The following MTMR9 variants were observed in gnomAD, a reference collection of about 807,000 sequenced individuals.
MTMR9 encodes the protein myotubularin-related protein 9.
Under a neutral mutation model 69.5 loss-of-function variants are expected in MTMR9, and 39 were observed. That is an observed-to-expected ratio of 0.56 (90% CI 0.43 to 0.73). MTMR9 has a LOEUF of 0.73. Ranked by LOEUF, MTMR9 falls within the 30% of genes least tolerant of loss-of-function variation. MTMR9 has a pLI of 0.00. For synonymous variants in MTMR9, 354 were observed against 240.8 expected, an observed-to-expected ratio of 1.47 and a Z score of -4.35; for missense variants, 900 against 671.2, an observed-to-expected ratio of 1.34 and a Z score of -3.77.
In MTMR9 at chr8:11,314,827, C is replaced by T. The variant is rs375382648; in HGVS notation, c.972-96C>T. ...CACTAAATAAACTGAACTCAGTAGACTAAAATGTTGTGCTCAATAAACGCT... is the reference window on the plus strand; with the variant it reads ...CACTAAATAAACTGAACTCAGTAGATTAAAATGTTGTGCTCAATAAACGCT... On this transcript the variant is annotated intron_variant, in intron 6 of 9. Transcript: ENST00000221086. 70 of 1,222,456 alleles carry T rather than the reference C, an allele frequency of 5.7e-5. No individual in the cohort carries two copies. The East Asian group carries it at 1.1e-3, about 19-fold the overall frequency. 75.7% of individuals were successfully genotyped at this position (1,222,456 alleles called of 1,614,324 possible).
chr8:11,332,262 T>A, downstream of MTMR9: 2 of 1,327,838 alleles, frequency 1.5e-6, no homozygotes, highest in Non-Finnish European at 2.0e-6. Context: ...CATAGCACAT[T>A]ATAATATTGA....
chr8:11,305,383 C>T (rs1799901827), intron 4 of MTMR9, among the ~76,000 whole-genome samples: 1 of 152,170 alleles, frequency 6.6e-6, no homozygotes, highest in Non-Finnish European at 1.5e-5. Context: ...AACAACTTTA[C>T]ACGTGAAAGG....
chr8:11,316,061 C>G (rs533603868), intron 7 of MTMR9: 1 of 152,290 alleles, frequency 6.6e-6, no homozygotes, highest in East Asian at 1.9e-4. Flanking sequence ...TTACTTTGGT[C>G]AGTAGATGGC....
At chr8:11,314,423 G>T (rs554226461) in intron 6 of MTMR9, among the ~76,000 whole-genome samples, 1 of 152,124 alleles carries the variant, frequency 6.6e-6, no homozygotes, top group African/African-American at 2.4e-5. Context: ...GTGTGGTCTA[G>T]GTCTCATTTT....
chr8:11,303,030 A>G (rs1799805178), intron 3 of MTMR9, among the ~76,000 whole-genome samples: 1 of 151,822 alleles, frequency 6.6e-6, no homozygotes, highest in South Asian at 2.1e-4. Context: ...TAAAGATGTA[A>G]GTCATTCCCT....
chr8:11,297,415 G>A (rs957830164), intron 2 of MTMR9, among the ~76,000 whole-genome samples: 2 of 152,206 alleles, frequency 1.3e-5, no homozygotes, highest in African/African-American at 4.8e-5. Flanking sequence ...TAAATTGAAT[G>A]AGAATGCATG....
chr8:11,295,128 G>C (rs1799505201), intron 1 of MTMR9, 66 bp from the exon 2 acceptor site: 1 of 843,494 alleles, frequency 1.2e-6, no homozygotes, highest in Non-Finnish European at 1.9e-6. Flanking sequence ...TCTTTTCAAA[G>C]AAATAATAAT....
At chr8:11,306,102 A>C in intron 4 of MTMR9, 88 bp from the exon 5 acceptor site, 1 of 1,098,916 alleles carries the variant, frequency 9.1e-7, no homozygotes, top group Non-Finnish European at 1.3e-6. Context: ...ATTGTTTTTG[A>C]GATACTCTTA....
At chr8:11,330,245 T>TC (rs1801155700), downstream of MTMR9, among the ~76,000 whole-genome samples, 1 of 144,068 alleles carries the variant, frequency 6.9e-6, no homozygotes, top group Admixed American at 6.8e-5. Flanking sequence ...GGGAGGGAGG[T>TC]GGAGGGTCAG....
At chr8:11,286,309 T>C (rs1259876566) in intron 1 of MTMR9, among the ~76,000 whole-genome samples, 2 of 151,642 alleles carry the variant, frequency 1.3e-5, no homozygotes, top group Admixed American at 1.3e-4. Flanking sequence ...CCATGGTAGA[T>C]TGATTGATTG....
At chr8:11,317,028 A>G in intron 8 of MTMR9, 135 bp downstream of exon 8, 1 of 526,916 alleles carries the variant, frequency 1.9e-6, no homozygotes, top group South Asian at 3.6e-5. Context: ...GCTACAGTTA[A>G]TTATAATTTA....
intron 5 of MTMR9, among the ~76,000 whole-genome samples, chr8:11,307,775 G>T (rs1424311924): frequency 6.6e-6 from 1 of 152,010 alleles, no homozygotes; most frequent in South Asian, 2.1e-4. Context: ...TTGTGGTTTT[G>T]AATTTCATTT....
At chr8:11,286,550 C>T (rs1341880905) in intron 1 of MTMR9, among the ~76,000 whole-genome samples, 1 of 151,184 alleles carries the variant, frequency 6.6e-6, no homozygotes, top group African/African-American at 2.4e-5. Context: ...CCTGTAATCC[C>T]AGTTACTCAG....
chr8:11,295,995 A>G (rs1799545190), intron 2 of MTMR9, among the ~76,000 whole-genome samples: 1 of 152,146 alleles, frequency 6.6e-6, no homozygotes, highest in Non-Finnish European at 1.5e-5. Flanking sequence ...TAGAAGTGGA[A>G]TTGTTTCTTC....
chr8:11,296,433 G>A (rs1799566218), intron 2 of MTMR9, among the ~76,000 whole-genome samples: 2 of 152,148 alleles, frequency 1.3e-5, no homozygotes, highest in Admixed American at 6.5e-5. Flanking sequence ...GTTTTTAAGT[G>A]TACAGTTTAG....
At chr8:11,312,620 A>C (rs1249604059) in intron 6 of MTMR9, among the ~76,000 whole-genome samples, 3 of 152,218 alleles carry the variant, frequency 2.0e-5, no homozygotes, top group African/African-American at 4.8e-5. Flanking sequence ...TGTGGAATCA[A>C]CTTCTTCCAA....
chr8:11,315,741 A>G (rs1171468812), intron 7 of MTMR9: 2 of 152,380 alleles, frequency 1.3e-5, no homozygotes, highest in African/African-American at 2.4e-5. Context: ...CTGCCTGACA[A>G]CTGACCTTAC....
chr8:11,310,517 CAT>C (rs1585125903), intron 6 of MTMR9, among the ~76,000 whole-genome samples: 1 of 152,118 alleles, frequency 6.6e-6, no homozygotes, highest in Non-Finnish European at 1.5e-5. Flanking sequence ...TTGCTGAAAT[CAT>C]GTGGTAAGTT....
At chr8:11,332,257 C>T (rs1479129936), downstream of MTMR9, 9 of 1,360,078 alleles carry the variant, frequency 6.6e-6, no homozygotes, top group Non-Finnish European at 8.9e-6. Flanking sequence ...ACTTCCATAG[C>T]ACATTATAAT....
Sources: allele counts gnomAD v4.1 joint callset (sites outside exome capture counted in the v4.1 genomes callset), GRCh38; gene constraint gnomAD v4.1.1; transcripts MANE v1.5; gene names NCBI Gene and HGNC (gene_info 2026-07-23, HGNC 2026-07-21).